Variants in SLC23A2 observed in about 807,000 individuals in gnomAD.
SLC23A2 encodes solute carrier family 23 member 2.
In SLC23A2, 36 loss-of-function variants were observed where a neutral mutation model predicts 73.3. The ratio of observed to expected loss-of-function variants is 0.49; its 90% confidence interval spans 0.38 to 0.65. The LOEUF (loss-of-function observed/expected upper bound fraction) is 0.65. Ranked by LOEUF, SLC23A2 falls within the 30% of genes least tolerant of loss-of-function variation. The pLI, the probability that SLC23A2 is intolerant of heterozygous loss-of-function variation, is 0.00. For missense variants in SLC23A2, 507 were observed against 841.6 expected (o/e 0.60, Z 4.92); for synonymous variants, 343 against 327.3 (o/e 1.05, Z -0.52).
intron 2 of SLC23A2, among the ~76,000 whole-genome samples, chr20:4,954,425 A>T (rs1257118592): frequency 6.6e-6 from 1 of 152,158 alleles, no homozygotes; most frequent in African/African-American, 2.4e-5. Flanking sequence ...AGCTGGGTGC[A>T]GTGGCTCATG....
intron 3 of SLC23A2, among the ~76,000 whole-genome samples, chr20:4,925,676 A>G (rs1004246845): frequency 2.6e-5 from 4 of 152,102 alleles, no homozygotes; most frequent in African/African-American, 9.7e-5. Context: ...CAAATTTACT[A>G]TGACCTCTCC....
At chr20:4,940,916 G>A (rs1428684248) in intron 2 of SLC23A2, among the ~76,000 whole-genome samples, 1 of 152,194 alleles carries the variant, frequency 6.6e-6, no homozygotes, top group South Asian at 2.1e-4. Context: ...AGCACTTCGG[G>A]AGGCCAAGGC....
chr20:4,861,594 C>T (rs1325690391), intron 15 of SLC23A2, among the ~76,000 whole-genome samples: 1 of 152,036 alleles, frequency 6.6e-6, no homozygotes, highest in Non-Finnish European at 1.5e-5. Flanking sequence ...AGTAGAATAA[C>T]GTGTTCAAAG....
chr20:4,854,462 G>A lies in SLC23A2; in HGVS notation c.*2510C>T, dbSNP rs538056738. 3 of 152,274 alleles carry A rather than the reference G, an allele frequency of 2.0e-5. No homozygotes were observed. The highest frequency in any genetic ancestry group is 6.5e-5 in the Admixed American group (1 of 15,288). 9.4% of individuals were successfully genotyped at this position (152,274 alleles called of 1,614,324 possible). ...TCATTAGGGGACTCCAATCACTCAA[G>A]GCTGTGCAGAAAGTACCAGATTCAG... is the stretch of plus-strand genomic sequence containing the variant. On this transcript the variant is annotated 3_prime_UTR_variant, in exon 17 of 17. Coordinates refer to ENST00000338244, the MANE Select transcript of SLC23A2 (RefSeq NM_005116.6).
In SLC23A2 at chr20:4,991,720, T is replaced by TCACACACA. The variant is rs11471369; in HGVS notation, c.-282+9678_-282+9685dup. On this transcript the variant is annotated intron_variant, in intron 1 of 16. Coordinates refer to ENST00000338244, the MANE Select transcript of SLC23A2 (RefSeq NM_005116.6). The stretch of plus-strand genomic sequence containing the variant: ...CTGGGTGACAGAGAGAGACTCCGTT[T>TCACACACA]CACACACACACACACACACACACAC... 9.6e-3 allele frequency among the ~76,000 whole-genome samples: 1,335 copies of TCACACACA among 139,412 alleles called. 10 individuals carry two copies. Among genetic ancestry groups the TCACACACA allele is most frequent in the Non-Finnish European group, 0.014 (898 of 64,852 alleles). 91.5% of individuals were successfully genotyped at this position (139,412 alleles called of 152,430 possible).
At chr20:4,988,459 T>A (rs1171278888) in intron 1 of SLC23A2, among the ~76,000 whole-genome samples, 1 of 151,758 alleles carries the variant, frequency 6.6e-6, no homozygotes, top group African/African-American at 2.4e-5. Flanking sequence ...AAAAATTGGC[T>A]GGACACAGTG....
At chr20:4,971,730 T>C (rs1310879956) in intron 1 of SLC23A2, among the ~76,000 whole-genome samples, 1 of 151,782 alleles carries the variant, frequency 6.6e-6, no homozygotes, top group Non-Finnish European at 1.5e-5. Flanking sequence ...AAGGCTGCAG[T>C]GAGCCATGAC....
chr20:4,870,828 A>C (rs966871818), intron 11 of SLC23A2, among the ~76,000 whole-genome samples: 1 of 152,244 alleles, frequency 6.6e-6, no homozygotes, highest in Non-Finnish European at 1.5e-5. Context: ...TTAAATCCCA[A>C]CAGTAAAGCA....
At chr20:5,002,226 GGACTTCATTAA>G (rs2088138716), upstream of SLC23A2, among the ~76,000 whole-genome samples, 1 of 152,118 alleles carries the variant, frequency 6.6e-6, no homozygotes, top group Non-Finnish European at 1.5e-5. Context: ...CTCACTTTGA[GGACTTCATTAA>G]GATGCAGATG....
At position 4,857,126 on chromosome 20, in the gene SLC23A2, G is replaced by A. The variant is rs1378819646; in HGVS notation, c.1799C>T (p.Ser600Leu). 1.4e-5 allele frequency: 23 copies of A among 1,613,912 alleles called. No individual in the cohort carries two copies. The highest frequency in any genetic ancestry group is 2.7e-5 in the African/African-American group (2 of 74,926). The change falls in exon 17 of 17, where the codon TCG (serine) becomes TTG (leucine). Residue 600 changes from serine (S) to leucine (L), a missense_variant. Transcript: ENST00000338244. The surrounding 1 kb of genome is among the most constrained non-coding windows in gnomAD (Gnocchi z 4.0). The stretch of plus-strand genomic sequence containing the variant: ...GTTCATGCCAAATGGCAAATTGTAC[G>A]ACTCCATGCCGTCGAGTGATTTGTT... ...KGNKSLDGME[S>L]YNLPFGMNII...
chr20:4,877,070 G>C (rs984470710), intron 9 of SLC23A2, among the ~76,000 whole-genome samples: 11 of 152,054 alleles, frequency 7.2e-5, no homozygotes, highest in African/African-American at 2.4e-4. Context: ...TAAATGACGA[G>C]TTAATGGGTG....
chr20:4,982,320 G>T (rs1484395248), intron 1 of SLC23A2, among the ~76,000 whole-genome samples: 1 of 152,098 alleles, frequency 6.6e-6, no homozygotes, highest in African/African-American at 2.4e-5. Context: ...TTGAAAAAAT[G>T]GAATGAAGTA....
At chr20:4,961,342 A>G (rs925595560) in intron 2 of SLC23A2, among the ~76,000 whole-genome samples, 1 of 152,028 alleles carries the variant, frequency 6.6e-6, no homozygotes, top group South Asian at 2.1e-4. Flanking sequence ...TTGGCCTCCC[A>G]AAGTGCTGGG....
chr20:4,919,768 G>C (rs1275585829), intron 3 of SLC23A2, among the ~76,000 whole-genome samples: 2 of 152,042 alleles, frequency 1.3e-5, no homozygotes, highest in Non-Finnish European at 2.9e-5. Context: ...ACCCAAAACG[G>C]ACCGTCCTCT....
intron 2 of SLC23A2, among the ~76,000 whole-genome samples, chr20:4,963,378 G>C (rs1370535505): frequency 6.6e-6 from 1 of 152,100 alleles, no homozygotes; most frequent in Non-Finnish European, 1.5e-5. Context: ...AAGCCACCAA[G>C]TCAGGAAAGC....
At chr20:4,910,144 G>A (rs934731236) in intron 4 of SLC23A2, among the ~76,000 whole-genome samples, 12 of 151,974 alleles carry the variant, frequency 7.9e-5, no homozygotes, top group Non-Finnish European at 1.6e-4. Context: ...AGGCCAAGGC[G>A]GATAAATCAC....
In SLC23A2 at chr20:4,857,241, C is replaced by CT. The variant is rs1260075463; in HGVS notation, c.1721-38_1721-37insA. Reference sequence around the variant, plus strand: ...CCCAAGATAGAACAAAGGAATGCTTCGTTTAGCAGCTCTACTGAAAATGAA... The same window carrying CT: ...CCCAAGATAGAACAAAGGAATGCTTCTGTTTAGCAGCTCTACTGAAAATGAA... On this transcript the variant is annotated intron_variant, in intron 16 of 16. Transcript: ENST00000338244. The surrounding 1 kb of genome is among the most constrained non-coding windows in gnomAD (Gnocchi z 4.0). 2.6e-6 allele frequency: 3 copies of CT among 1,139,626 alleles called. No individual in the cohort carries two copies. Among genetic ancestry groups the CT allele is most frequent in the Non-Finnish European group, 2.5e-6 (2 of 795,298 alleles). 70.6% of individuals were successfully genotyped at this position (1,139,626 alleles called of 1,614,324 possible). A position where few individuals can be genotyped will look rare whatever the true frequency, so the allele number is the denominator to read the frequency against.
At position 4,907,185 on chromosome 20, in the gene SLC23A2, G is replaced by A. The variant is rs1349787242; in HGVS notation, c.208-4627C>T. On this transcript the variant is annotated intron_variant, in intron 4 of 16. Transcript: ENST00000338244. ...CAGGATACTCATCTGCTTCCAGAATGCCAGAAACCAGGTCACAGAAGCCAG... is the reference window on the plus strand; with the variant it reads ...CAGGATACTCATCTGCTTCCAGAATACCAGAAACCAGGTCACAGAAGCCAG... 2.0e-5 allele frequency among the ~76,000 whole-genome samples: 3 copies of A among 152,154 alleles called. No homozygotes were observed. The East Asian group carries it at 5.8e-4, about 29-fold the overall frequency.
At chr20:4,966,882 C>A (rs2087485258) in intron 2 of SLC23A2, among the ~76,000 whole-genome samples, 1 of 150,362 alleles carries the variant, frequency 6.7e-6, no homozygotes. Context: ...ATCCAAACAT[C>A]AAAGACAACC....
Sources: allele counts gnomAD v4.1 joint callset (sites outside exome capture counted in the v4.1 genomes callset), GRCh38; gene constraint gnomAD v4.1.1; non-coding constraint Gnocchi (gnomAD v3.1); transcripts MANE v1.5; gene names NCBI Gene and HGNC (gene_info 2026-07-23, HGNC 2026-07-21).